Variants in MALSU1 observed in about 807,000 individuals in gnomAD.
MALSU1 encodes mitochondrial assembly of ribosomal large subunit 1.
Under a neutral mutation model 22.1 loss-of-function variants are expected in MALSU1, and 22 were observed. The ratio of observed to expected loss-of-function variants is 1.00; its 90% CI spans 0.71 to 1.42. The LOEUF is 1.42. MALSU1 is among the 40% of genes most tolerant of loss of function. The pLI, the probability that MALSU1 is intolerant of heterozygous loss-of-function variation, is 0.00. For synonymous variants in MALSU1, 153 were observed against 118.5 expected (o/e 1.29, Z -1.89); for missense variants, 379 against 308.3 (o/e 1.23, Z -1.72).
At position 23,300,992 on chromosome 7, in the gene MALSU1, C is replaced by A; in HGVS notation, c.410C>A (p.Ala137Asp). The A allele has an allele frequency of 1.9e-6, 3 of 1,613,772 alleles. No homozygotes were observed. The highest frequency in any genetic ancestry group is 2.5e-6 in the Non-Finnish European group (3 of 1,179,834). Residue 137 changes from alanine to aspartate, a missense_variant, in exon 2 of 4, where the codon GCC becomes GAC. Coordinates refer to ENST00000466681, the MANE Select transcript of MALSU1 (RefSeq NM_138446.2). ...GGAACTTCTACCCGACACTTACATG[C>A]CATGGCCTTCTACGTTGTGAAAATG... ...VSGTSTRHLH[A>D]MAFYVVKMYK...
rs1016349093 is a variant in MALSU1, at chr7:23,301,409, C to T, written c.435+392C>T. 1.9e-4 allele frequency among the ~76,000 whole-genome samples: 29 copies of T among 152,202 alleles called. 1 individual carries two copies. Among genetic ancestry groups the T allele is most frequent in the African/African-American group, 5.8e-4 (24 of 41,530 alleles). ...CTGAGTAGCTGGGATTACAGGCATG[C>T]GCCACCAGGCCCAGATAATTTTGTA... On this transcript the variant is annotated intron_variant, in intron 2 of 3. Coordinates refer to ENST00000466681, the MANE Select transcript of MALSU1 (RefSeq NM_138446.2).
chr7:23,301,051 A>T, intron 2 of MALSU1, 34 bp downstream of exon 2: 1 of 1,576,158 alleles, frequency 6.3e-7, no homozygotes, highest in Non-Finnish European at 8.7e-7. Context: ...TGGACCATTA[A>T]CTGAGTGGAA....
At chr7:23,307,809 A>G (rs746326056) in intron 2 of MALSU1, 59 bp from the exon 3 acceptor site, 2 of 1,070,116 alleles carry the variant, frequency 1.9e-6, no homozygotes, top group East Asian at 4.8e-5. Flanking sequence ...AAAGACCTTC[A>G]GCAAGAACAG....
In MALSU1 at chr7:23,309,921, C is replaced by T. The variant is rs1481321348; in HGVS notation, c.*378C>T. Reference sequence around the variant, plus strand: ...AAAAATTTTAAAAAATAATATAAAACATAGCCCACTGGTCTTATTTTTATA... The same window carrying T: ...AAAAATTTTAAAAAATAATATAAAATATAGCCCACTGGTCTTATTTTTATA... On this transcript the variant is annotated 3_prime_UTR_variant, in exon 4 of 4. Transcript: ENST00000466681. 1.9e-5 allele frequency: 3 copies of T among 153,958 alleles called. No homozygotes were observed. The highest frequency in any genetic ancestry group is 7.2e-5 in the African/African-American group (3 of 41,426). 9.5% of individuals were successfully genotyped at this position (153,958 alleles called of 1,614,324 possible).
At chr7:23,304,913 T>C (rs534055952) in intron 2 of MALSU1, among the ~76,000 whole-genome samples, 5 of 152,308 alleles carry the variant, frequency 3.3e-5, no homozygotes, top group Non-Finnish European at 7.3e-5. Flanking sequence ...TGTCCTTTGA[T>C]GCACGAAAGT....
At position 23,309,582 on chromosome 7, in the gene MALSU1, T is replaced by TTGAG. The variant is rs993528925; in HGVS notation, c.*41_*44dup. On this transcript the variant is annotated 3_prime_UTR_variant, in exon 4 of 4. Transcript: ENST00000466681. Reference sequence around the variant, plus strand: ...CTGCGTTAGTCATTTCAGATTTGGATTGAGTCACTTATTGGAAAATACAGC... The same window carrying TTGAG: ...CTGCGTTAGTCATTTCAGATTTGGATTGAGTGAGTCACTTATTGGAAAATACAGC... 6.7e-7 allele frequency: 1 copy of TTGAG among 1,497,256 alleles called. No homozygotes were observed. Among genetic ancestry groups the TTGAG allele is most frequent in the African/African-American group, 1.4e-5 (1 of 71,432 alleles). 92.7% of individuals were successfully genotyped at this position (1,497,256 alleles called of 1,614,324 possible).
intron 2 of MALSU1, among the ~76,000 whole-genome samples, chr7:23,305,328 A>G (rs1783709350): frequency 6.6e-6 from 1 of 151,474 alleles, no homozygotes. Flanking sequence ...AAGAAATATG[A>G]GACTCCAACT....
intron 3 of MALSU1, 58 bp from the exon 4 acceptor site, chr7:23,309,298 G>T (rs759550483): frequency 1.6e-5 from 23 of 1,456,848 alleles, no homozygotes; most frequent in Middle Eastern, 3.6e-4. Flanking sequence ...GTGTTGTAAG[G>T]TAAGAATAAA....
chr7:23,310,752 G>A lies in MALSU1; in HGVS notation c.*1209G>A, dbSNP rs1187483831. On this transcript the variant is annotated 3_prime_UTR_variant, in exon 4 of 4. Coordinates refer to ENST00000466681, the MANE Select transcript of MALSU1 (RefSeq NM_138446.2). ...TGATCTTCAGAAAAACATCTAGTCT[G>A]TATAGAAATTCATCTTGAAATAAGA... is the stretch of plus-strand genomic sequence containing the variant. 2.0e-5 allele frequency: 3 copies of A among 152,076 alleles called. No homozygotes were observed. The highest frequency in any genetic ancestry group is 7.2e-5 in the African/African-American group (3 of 41,400). The allele number at this position is 152,076 out of a possible 1,614,324, so 9.4% of individuals were successfully genotyped here.
chr7:23,308,012 CA>C lies in MALSU1; in HGVS notation c.517+64del, dbSNP rs1487702578. On this transcript the variant is annotated intron_variant, in intron 3 of 3. Transcript: ENST00000466681. Reference sequence around the variant, plus strand: ...TACTACGCTAATCTTGAATTGTTTTCAGTTGCAAAAGGATTGAGATCAAATT... The same window carrying C: ...TACTACGCTAATCTTGAATTGTTTTCGTTGCAAAAGGATTGAGATCAAATT... 3.3e-6 allele frequency: 4 copies of C among 1,202,162 alleles called. No individual in the cohort carries two copies. In the African/African-American group the frequency reaches 6.0e-5, roughly 18 times the overall value. 74.5% of individuals were successfully genotyped at this position (1,202,162 alleles called of 1,614,324 possible).
chr7:23,304,481 T>A (rs1366020566), intron 2 of MALSU1, among the ~76,000 whole-genome samples: 1 of 152,222 alleles, frequency 6.6e-6, no homozygotes, highest in Non-Finnish European at 1.5e-5. Flanking sequence ...TATATATTCT[T>A]TGAAGAAAAG....
intron 3 of MALSU1, among the ~76,000 whole-genome samples, chr7:23,308,751 T>C (rs964542442): frequency 6.6e-6 from 1 of 152,178 alleles, no homozygotes; most frequent in Non-Finnish European, 1.5e-5. Context: ...AGGCCTACTT[T>C]TGCTCTGATG....
At chr7:23,306,666 C>T (rs1043624012) in intron 2 of MALSU1, among the ~76,000 whole-genome samples, 1 of 152,146 alleles carries the variant, frequency 6.6e-6, no homozygotes, top group South Asian at 2.1e-4. Flanking sequence ...TTGTTAAATG[C>T]TTTTTCTGCG....
Position 23,309,590 on chromosome 7 carries a change from C to T in MALSU1, c.*47C>T, listed in dbSNP as rs1200033682. On this transcript the variant is annotated 3_prime_UTR_variant, in exon 4 of 4. Coordinates refer to ENST00000466681, the MANE Select transcript of MALSU1 (RefSeq NM_138446.2). ...GTCATTTCAGATTTGGATTGAGTCA[C>T]TTATTGGAAAATACAGCTCCTAAAG... The T allele has an allele frequency of 7.5e-6, 11 of 1,466,256 alleles. No individual in the cohort carries two copies. The highest frequency in any genetic ancestry group is 9.2e-6 in the Non-Finnish European group (10 of 1,088,900). 90.8% of individuals were successfully genotyped at this position (1,466,256 alleles called of 1,614,324 possible). A position where few individuals can be genotyped will look rare whatever the true frequency, so the allele number is the denominator to read the frequency against.
chr7:23,309,284 G>A, intron 3 of MALSU1, 72 bp from the exon 4 acceptor site: 1 of 1,339,640 alleles, frequency 7.5e-7, no homozygotes, highest in Non-Finnish European at 1.0e-6. Flanking sequence ...GAGTTAGCCA[G>A]TGTGTGTTGT....
Position 23,307,786 on chromosome 7 carries a change from A to C in MALSU1, c.436-82A>C, listed in dbSNP as rs797015415. 0.013 allele frequency: 11,103 copies of C among 845,590 alleles called. 531 individuals carry two copies. In the African/African-American group the frequency reaches 0.14, roughly 11 times the overall value. 52.4% of individuals were successfully genotyped at this position (845,590 alleles called of 1,614,324 possible). A position where few individuals can be genotyped will look rare whatever the true frequency, so the allele number is the denominator to read the frequency against. On this transcript the variant is annotated intron_variant, in intron 2 of 3. Transcript: ENST00000466681. ...AAGAAAGATTAAAAAAAACAAACAAACAAACAAAAAAAAAAGACCTTCAGC... is the reference window on the plus strand; with the variant it reads ...AAGAAAGATTAAAAAAAACAAACAACCAAACAAAAAAAAAAGACCTTCAGC...
intron 2 of MALSU1, among the ~76,000 whole-genome samples, chr7:23,307,094 T>C (rs768115993): frequency 1.3e-5 from 2 of 152,236 alleles, no homozygotes; most frequent in Admixed American, 6.5e-5. Context: ...AGTCAGTAGA[T>C]TGTGTTTCTA....
intron 2 of MALSU1, among the ~76,000 whole-genome samples, chr7:23,301,809 A>C (rs1783652715): frequency 6.6e-6 from 1 of 152,128 alleles, no homozygotes; most frequent in Non-Finnish European, 1.5e-5. Context: ...TCTTTACTAA[A>C]AATACAAAAA....
Position 23,309,390 on chromosome 7 carries a change from C to G in MALSU1, c.552C>G (p.Thr184=). The change falls in exon 4 of 4, where the codon ACC becomes ACG. Residue 184 remains threonine (T), a synonymous_variant. Transcript: ENST00000466681. ...TGATTCATTTGATGCTTCCAGAAAC[C>G]AGAGAAATCTATGAATTAGAGAAAT... is the stretch of plus-strand genomic sequence containing the variant. ...SMVIHLMLPE[T]REIYELEKLW... is the part of the protein sequence containing the mutation. The G allele has an allele frequency of 6.2e-7, 1 of 1,612,404 alleles. No individual in the cohort carries two copies. Among genetic ancestry groups the G allele is most frequent in the East Asian group, 2.2e-5 (1 of 44,842 alleles).
Sources: gnomAD v4.1 joint callset for allele counts (sites outside exome capture counted in the v4.1 genomes callset) on GRCh38, gnomAD v4.1.1 for gene constraint, MANE v1.5 for transcripts, NCBI Gene and HGNC (gene_info 2026-07-23, HGNC 2026-07-21) for gene names.